The following OVOL3 variants were observed in gnomAD, a reference collection of about 807,000 sequenced individuals.
OVOL3 encodes ovo like zinc finger 3, also known as putative transcription factor ovo-like protein 3.
Under a neutral mutation model 13.6 loss-of-function variants are expected in OVOL3, and 15 were observed. The ratio of observed to expected loss-of-function variants is 1.11; its 90% CI spans 0.74 to 1.70. The LOEUF (loss-of-function observed/expected upper bound fraction) is 1.70. Ranked by LOEUF, OVOL3 falls within the 40% of genes most tolerant of loss-of-function variation. The pLI is 0.00. For synonymous variants in OVOL3, 102 were observed against 108.5 expected, an observed-to-expected ratio of 0.94 and a Z score of 0.37; for missense variants, 290 against 280.6, an observed-to-expected ratio of 1.03 and a Z score of -0.24.
chr19:36,113,371 C>T (rs1599859553), intron 3 of OVOL3, 82 bp from the exon 4 acceptor site: 2 of 1,385,326 alleles, frequency 1.4e-6, no homozygotes, highest in East Asian at 2.5e-5. Context: ...ATGCTCAACA[C>T]TGGAAAGCAG....
intron 2 of OVOL3, chr19:36,111,656 G>A (rs933976891): frequency 1.6e-5 from 11 of 683,094 alleles, no homozygotes; most frequent in Non-Finnish European, 2.1e-5. Context: ...CAGCCACAGG[G>A]ATCTCTTCCA....
chr19:36,113,389 G>A, intron 3 of OVOL3, 64 bp from the exon 4 acceptor site: 1 of 1,468,100 alleles, frequency 6.8e-7, no homozygotes, highest in Non-Finnish European at 9.2e-7. Context: ...CAGGGTGGGG[G>A]CGCTTTAGTC....
Position 36,113,585 on chromosome 19 carries a change from T to C in OVOL3, c.497T>C (p.Val166Ala). 6.5e-7 allele frequency: 1 copy of C among 1,539,266 alleles called. No homozygotes were observed. The highest frequency in any genetic ancestry group is 8.7e-7 in the Non-Finnish European group (1 of 1,146,898). Residue 166 changes from valine (V) to alanine (A), a missense_variant, in exon 4 of 4, where the codon GTG becomes GCG. Physicochemically the swap from Val to Ala is moderately conservative, Grantham distance 64. Coordinates refer to ENST00000633214, the MANE Select transcript of OVOL3 (RefSeq NM_001302757.2). ...CGTGAGCGCCGCGAGAAGCTGCACG[T>C]GTGCGAGGACTGCGGCTTCACCAGC... is the stretch of plus-strand genomic sequence containing the variant. ...AYRERREKLH[V>A]CEDCGFTSSR...
intron 2 of OVOL3, chr19:36,111,865 TAAGAC>T (rs1973828892): frequency 2.2e-5 from 10 of 459,372 alleles, no homozygotes; most frequent in South Asian, 1.4e-4. Flanking sequence ...TCAGCGGGAA[TAAGAC>T]AAAAATCCAC....
At chr19:36,112,673 A>G in intron 2 of OVOL3, 87 bp from the exon 3 acceptor site, 2 of 1,263,046 alleles carry the variant, frequency 1.6e-6, no homozygotes, top group Non-Finnish European at 1.1e-6. Context: ...GTGGTGGCTC[A>G]GGACACTCTG....
rs544666353 is a variant in OVOL3 at position 36,111,730 on chromosome 19, C to A, written c.159+297C>A. ...CTTTATGTCAGAACATGGGACAAGGCAACAGGAGTGCGATGGGAGATAAGG... is the reference window on the plus strand; with the variant it reads ...CTTTATGTCAGAACATGGGACAAGGAAACAGGAGTGCGATGGGAGATAAGG... On this transcript the variant is annotated intron_variant, in intron 2 of 3. Coordinates refer to ENST00000633214, the MANE Select transcript of OVOL3 (RefSeq NM_001302757.2). The A allele has an allele frequency of 1.2e-3, 689 of 586,088 alleles. 1 individual carries two copies. Among genetic ancestry groups the A allele is most frequent in the Non-Finnish European group, 1.2e-3 (378 of 310,854 alleles). 36.3% of individuals were successfully genotyped at this position (586,088 alleles called of 1,614,324 possible). A position where few individuals can be genotyped will look rare whatever the true frequency, so the allele number is the denominator to read the frequency against.
At chr19:36,112,242 G>A (rs887706764) in intron 2 of OVOL3, among the ~76,000 whole-genome samples, 7 of 151,184 alleles carry the variant, frequency 4.6e-5, no homozygotes, top group Non-Finnish European at 8.8e-5. Flanking sequence ...AAAATAGACC[G>A]GGCATAGTGG....
In OVOL3 at chr19:36,113,642, C is replaced by T; in HGVS notation, c.554C>T (p.Ala185Val). Residue 185 changes from alanine (A) to valine (V), a missense_variant, in exon 4 of 4, where the codon GCC becomes GTC. Coordinates refer to ENST00000633214, the MANE Select transcript of OVOL3 (RefSeq NM_001302757.2). ...CCCGACACCTACGCACAGCACCGCGCCCTGCACCGCGCAGCCTGATACGGT... is the reference window on the plus strand; with the variant it reads ...CCCGACACCTACGCACAGCACCGCGTCCTGCACCGCGCAGCCTGATACGGT... ...SRPDTYAQHR[A>V]LHRAA is the part of the protein sequence containing the mutation. The T allele has an allele frequency of 1.3e-6, 2 of 1,548,206 alleles. No homozygotes were observed. Among genetic ancestry groups the T allele is most frequent in the Non-Finnish European group, 1.7e-6 (2 of 1,146,596 alleles).
Position 36,113,613 on chromosome 19 carries a change from C to T in OVOL3, c.525C>T (p.Ser175=). Residue 175 remains serine (S), a synonymous_variant, in exon 4 of 4, where the codon TCC becomes TCT. Coordinates refer to ENST00000633214, the MANE Select transcript of OVOL3 (RefSeq NM_001302757.2). ...GCGAGGACTGCGGCTTCACCAGCTC[C>T]CGGCCCGACACCTACGCACAGCACC... ...HVCEDCGFTS[S]RPDTYAQHRA... is the part of the protein sequence containing the mutation. The T allele has an allele frequency of 1.3e-6, 2 of 1,543,046 alleles. No homozygotes were observed.
In OVOL3 at chr19:36,111,363, C is replaced by T. The variant is rs1228629192; in HGVS notation, c.95-6C>T. On this transcript the variant is annotated splice_polypyrimidine_tract_variant and splice_region_variant and intron_variant, in intron 1 of 3. Coordinates refer to ENST00000633214, the MANE Select transcript of OVOL3 (RefSeq NM_001302757.2). ...CGCAGTGTCACCATCTGGCTTTTCT[C>T]CTCAGACTGCAGCAGCCTGGGGGGG... The T allele has an allele frequency of 2.6e-6, 4 of 1,535,636 alleles. No homozygotes were observed. In the Admixed American group the frequency reaches 5.9e-5, roughly 23 times the overall value.
rs1599859553 is a variant in OVOL3 at position 36,113,371 on chromosome 19, C to G, written c.365-82C>G. ...GAATAGGTACCAGAAATGCTCAACA[C>G]TGGAAAGCAGGGTGGGGGCGCTTTA... On this transcript the variant is annotated intron_variant, in intron 3 of 3. Coordinates refer to ENST00000633214, the MANE Select transcript of OVOL3 (RefSeq NM_001302757.2). 6 of 1,385,326 alleles carry G rather than the reference C, an allele frequency of 4.3e-6. No homozygotes were observed. In the East Asian group the frequency reaches 1.3e-4, roughly 29 times the overall value. 85.8% of individuals were successfully genotyped at this position (1,385,326 alleles called of 1,614,324 possible).
rs1282275771 is a variant in OVOL3, at chr19:36,112,911, G to C, written c.311G>C (p.Gly104Ala). 6.5e-7 allele frequency: 1 copy of C among 1,536,268 alleles called. No homozygotes were observed. Among genetic ancestry groups the C allele is most frequent in the Admixed American group, 2.0e-5 (1 of 51,002 alleles). ...PVRRHLCRCC[G>A]KGFHDAFDLK... The stretch of plus-strand genomic sequence containing the variant: ...CGCCGCCACCTGTGCCGCTGTTGTG[G>C]CAAGGGCTTTCATGACGCCTTCGAT... The change falls in exon 3 of 4, where the codon GGC (glycine) becomes GCC (alanine). Residue 104 changes from glycine to alanine, a missense_variant. Gly to Ala is a moderately conservative substitution (Grantham distance 60). Transcript: ENST00000633214.
At position 36,111,196 on chromosome 19, in the gene OVOL3, G is replaced by A. The variant is rs762631139; in HGVS notation, c.-7G>A. 68 of 1,530,422 alleles carry A rather than the reference G, an allele frequency of 4.4e-5. No individual in the cohort carries two copies. Among genetic ancestry groups the A allele is most frequent in the African/African-American group, 9.6e-5 (7 of 72,918 alleles). The allele number at this position is 1,530,422 out of a possible 1,614,324, so 94.8% of individuals were successfully genotyped here. ...AGCCCCTGTGTGTGGAGAGCCTTCCGGAGGGCATGCCCCGCGCCTTCCTGG... is the reference window on the plus strand; with the variant it reads ...AGCCCCTGTGTGTGGAGAGCCTTCCAGAGGGCATGCCCCGCGCCTTCCTGG... On this transcript the variant is annotated 5_prime_UTR_variant, in exon 1 of 4. Coordinates refer to ENST00000633214, the MANE Select transcript of OVOL3 (RefSeq NM_001302757.2).
chr19:36,113,358 G>A lies in OVOL3; in HGVS notation c.365-95G>A, dbSNP rs138638369. On this transcript the variant is annotated intron_variant, in intron 3 of 3. Coordinates refer to ENST00000633214, the MANE Select transcript of OVOL3 (RefSeq NM_001302757.2). Reference sequence around the variant, plus strand: ...TCTGAAGAGCTTGGAATAGGTACCAGAAATGCTCAACACTGGAAAGCAGGG... The same window carrying A: ...TCTGAAGAGCTTGGAATAGGTACCAAAAATGCTCAACACTGGAAAGCAGGG... 4,484 of 1,279,852 alleles carry A rather than the reference G, an allele frequency of 3.5e-3. 17 individuals carry two copies. The highest frequency in any genetic ancestry group is 4.5e-3 in the Non-Finnish European group (4,147 of 922,768). The allele number at this position is 1,279,852 out of a possible 1,614,324, so 79.3% of individuals were successfully genotyped here.
rs1461163095 is a variant in OVOL3 at position 36,112,909 on chromosome 19, T to C, written c.309T>C (p.Cys103=). ...TGCGCCGCCACCTGTGCCGCTGTTG[T>C]GGCAAGGGCTTTCATGACGCCTTCG... is the stretch of plus-strand genomic sequence containing the variant. ...SPVRRHLCRC[C]GKGFHDAFDL... The change falls in exon 3 of 4, where the codon TGT becomes TGC. Residue 103 remains cysteine (C), a synonymous_variant. Coordinates refer to ENST00000633214, the MANE Select transcript of OVOL3 (RefSeq NM_001302757.2). 2 of 1,536,122 alleles carry C rather than the reference T, an allele frequency of 1.3e-6. No homozygotes were observed. The highest frequency in any genetic ancestry group is 2.7e-5 in the African/African-American group (2 of 73,048).
In OVOL3 at chr19:36,111,292, C is replaced by T. The variant is rs978607917; in HGVS notation, c.90C>T (p.Ile30=). Residue 30 remains isoleucine (I), a synonymous_variant, in exon 1 of 4, where the codon ATC becomes ATT. Coordinates refer to ENST00000633214, the MANE Select transcript of OVOL3 (RefSeq NM_001302757.2). ...ACCAGCTCCGGGGAGATGCCTATAT[C>T]CCAGGTGGGCCCCTCACTGTGCCTG... is the stretch of plus-strand genomic sequence containing the variant. ...LPDQLRGDAY[I]PDCSSLGGPP... 1 of 1,535,996 alleles carries T rather than the reference C, an allele frequency of 6.5e-7. No individual in the cohort carries two copies. The highest frequency in any genetic ancestry group is 8.7e-7 in the Non-Finnish European group (1 of 1,146,818).
At chr19:36,111,885 T>C in intron 2 of OVOL3, 1 of 457,218 alleles carries the variant, frequency 2.2e-6, no homozygotes, top group Non-Finnish European at 4.4e-6. Flanking sequence ...ATCCACAATT[T>C]TATGGAGCTT....
At chr19:36,113,228 C>A (rs1044223260) in intron 3 of OVOL3, among the ~76,000 whole-genome samples, 2 of 152,204 alleles carry the variant, frequency 1.3e-5, no homozygotes, top group African/African-American at 4.8e-5. Context: ...CCCTCTCCAT[C>A]CCCCAGGGGA....
Position 36,111,423 on chromosome 19 carries a change from C to G in OVOL3, c.149C>G (p.Pro50Arg). 1.3e-6 allele frequency: 2 copies of G among 1,535,948 alleles called. No homozygotes were observed. The highest frequency in any genetic ancestry group is 1.7e-6 in the Non-Finnish European group (2 of 1,146,820). ...PAQQSSSVRD[P>R]WTAQPTQGNL... ...CAACAGTCGTCCAGTGTCAGGGATC[C>G]GTGGACAGCGGTGAGTGTGTAACTG... Residue 50 changes from proline (P) to arginine (R), a missense_variant, in exon 2 of 4, where the codon CCG becomes CGG. Coordinates refer to ENST00000633214, the MANE Select transcript of OVOL3 (RefSeq NM_001302757.2).
Sources: gnomAD v4.1 joint callset for allele counts (sites outside exome capture counted in the v4.1 genomes callset) on GRCh38, gnomAD v4.1.1 for gene constraint, MANE v1.5 for transcripts, NCBI Gene and HGNC (gene_info 2026-07-23, HGNC 2026-07-21) for gene names.